WDR36: variants seen among roughly 807,000 people sequenced by gnomAD.
WDR36 encodes the protein WD repeat-containing protein 36.
A neutral mutation model predicts 112.7 loss-of-function variants in WDR36; 63 were observed. That is an observed-to-expected ratio of 0.56 (90% CI 0.46 to 0.69). The LOEUF (loss-of-function observed/expected upper bound fraction) is 0.69. WDR36 is among the 30% of genes least tolerant of loss of function. The pLI is 0.00. For missense variants in WDR36, 1,226 were observed against 1,070.3 expected, an observed-to-expected ratio of 1.15 and a Z score of -2.03; for synonymous variants, 410 against 362.2, an observed-to-expected ratio of 1.13 and a Z score of -1.50.
chr5:111,116,035 C>A (rs1753448024), intron 16 of WDR36, among the ~76,000 whole-genome samples: 2 of 151,904 alleles, frequency 1.3e-5, no homozygotes, highest in Non-Finnish European at 2.9e-5. Context: ...CACCGTCTCC[C>A]AGGTTCAAGC....
chr5:111,124,306 A>G (rs992628392), intron 21 of WDR36, 117 bp downstream of exon 21: 1 of 924,360 alleles, frequency 1.1e-6, no homozygotes. Flanking sequence ...AATCAAAAAG[A>G]TTGAAATTTT....
intron 16 of WDR36, among the ~76,000 whole-genome samples, chr5:111,114,145 TACAGAA>T (rs1375647394): frequency 6.6e-6 from 1 of 152,166 alleles, no homozygotes; most frequent in African/African-American, 2.4e-5. Context: ...AGAGGAGACA[TACAGAA>T]TGTGTCGGCT....
intron 6 of WDR36, 56 bp from the exon 7 acceptor site, chr5:111,103,730 G>C: frequency 6.2e-7 from 1 of 1,600,108 alleles, no homozygotes. Context: ...GTATCATCAG[G>C]ATTATTAAAG....
chr5:111,100,793 A>G, intron 5 of WDR36, 72 bp downstream of exon 5: 1 of 1,464,650 alleles, frequency 6.8e-7, no homozygotes. Flanking sequence ...TGTATACTTA[A>G]GTCTCATTTC....
chr5:111,124,231 T>C, intron 21 of WDR36, 42 bp downstream of exon 21: 1 of 1,471,984 alleles, frequency 6.8e-7, no homozygotes, highest in Non-Finnish European at 9.4e-7. Flanking sequence ...ATATTTAGCT[T>C]ATTTTACTGT....
intron 8 of WDR36, 143 bp downstream of exon 8, chr5:111,104,495 A>C (rs1220019397): frequency 7.2e-7 from 1 of 1,384,248 alleles, no homozygotes; most frequent in Non-Finnish European, 1.0e-6. Context: ...AACAAAAAGC[A>C]CAGCAGGTGA....
intron 19 of WDR36, among the ~76,000 whole-genome samples, chr5:111,121,554 T>A (rs1480401538): frequency 6.6e-6 from 1 of 152,136 alleles, no homozygotes; most frequent in East Asian, 1.9e-4. Flanking sequence ...AAGTTAACCC[T>A]TTATCTCACA....
At chr5:111,110,744 C>T (rs746527102) in intron 13 of WDR36, 44 bp from the exon 14 acceptor site, 6 of 1,585,714 alleles carry the variant, frequency 3.8e-6, no homozygotes, top group South Asian at 3.4e-5. Context: ...GAGAGAAACA[C>T]TGCCAATTCT....
rs778113768 is a variant in WDR36 at position 111,107,377 on chromosome 5, T to C, written c.1264T>C (p.Ser422Pro). ...TTGCTCAACCTGGAATTATCAGAAATCTACAATAGGCGCTTACTTTCTCAA... is the reference window on the plus strand; with the variant it reads ...TTGCTCAACCTGGAATTATCAGAAACCTACAATAGGCGCTTACTTTCTCAA... ...LSCSTWNYQK[S>P]TIGAYFLKPK... Residue 422 changes from serine to proline, a missense_variant, in exon 12 of 23, where the codon TCT becomes CCT. Ser to Pro is a moderately conservative substitution (Grantham distance 74). Coordinates refer to ENST00000513710, the MANE Select transcript of WDR36 (RefSeq NM_139281.3). The C allele has an allele frequency of 6.2e-7, 1 of 1,610,664 alleles. No individual in the cohort carries two copies. The highest frequency in any genetic ancestry group is 8.5e-7 in the Non-Finnish European group (1 of 1,177,780).
At position 111,104,219 on chromosome 5, in the gene WDR36, T is replaced by C. The variant is rs146067768; in HGVS notation, c.773T>C (p.Ile258Thr). 9.3e-6 allele frequency: 15 copies of C among 1,611,652 alleles called. No individual in the cohort carries two copies. In the Admixed American group the frequency reaches 1.8e-4, roughly 20 times the overall value. Residue 258 changes from isoleucine to threonine, a missense_variant, in exon 8 of 23, where the codon ATT becomes ACT. By Grantham distance (89) the Ile-to-Thr change is moderately conservative. Transcript: ENST00000513710. Reference protein sequence around the residue: ...VMAAGSPCGHIGLWDLEDKKL... With the variant: ...VMAAGSPCGHTGLWDLEDKKL... The stretch of plus-strand genomic sequence containing the variant: ...GCAGCTGGAAGCCCATGTGGCCATA[T>C]TGGACTCTGGGATCTAGAAGACAAA...
intron 19 of WDR36, among the ~76,000 whole-genome samples, chr5:111,122,050 A>T (rs1484442165): frequency 6.6e-6 from 1 of 152,230 alleles, no homozygotes; most frequent in Non-Finnish European, 1.5e-5. Flanking sequence ...TTTTCACATT[A>T]CATTTCCTCA....
At chr5:111,104,141 A>G in intron 7 of WDR36, 36 bp from the exon 8 acceptor site, 1 of 1,571,128 alleles carries the variant, frequency 6.4e-7, no homozygotes, top group Non-Finnish European at 8.7e-7. Flanking sequence ...GGGGATCTAG[A>G]AGTATTTTTC....
Position 111,103,841 on chromosome 5 carries a change from A to G in WDR36, c.653A>G (p.His218Arg). 6.2e-7 allele frequency: 1 copy of G among 1,611,488 alleles called. No individual in the cohort carries two copies. The highest frequency in any genetic ancestry group is 8.5e-7 in the Non-Finnish European group (1 of 1,178,304). Residue 218 changes from histidine to arginine, a missense_variant, in exon 7 of 23, where the codon CAC becomes CGC. Coordinates refer to ENST00000513710, the MANE Select transcript of WDR36 (RefSeq NM_139281.3). Reference sequence around the variant, plus strand: ...CTTATGTCAGGTCAAGTTATCATTCACAACATTAAATTTAATGAAACATTA... The same window carrying G: ...CTTATGTCAGGTCAAGTTATCATTCGCAACATTAAATTTAATGAAACATTA... ...IGLMSGQVIIHNIKFNETLMK... is the reference protein window; with the variant it reads ...IGLMSGQVIIRNIKFNETLMK...
chr5:111,117,620 C>A (rs1358867514), intron 16 of WDR36, among the ~76,000 whole-genome samples: 1 of 152,144 alleles, frequency 6.6e-6, no homozygotes, highest in Non-Finnish European at 1.5e-5. Context: ...TCTTACTGGG[C>A]CTCAGTTTTC....
chr5:111,103,821 G>A lies in WDR36; in HGVS notation c.633G>A (p.Met211Ile). 6.2e-7 allele frequency: 1 copy of A among 1,611,276 alleles called. No individual in the cohort carries two copies. The highest frequency in any genetic ancestry group is 8.5e-7 in the Non-Finnish European group (1 of 1,178,174). The change falls in exon 7 of 23, where the codon ATG (methionine) becomes ATA (isoleucine). Residue 211 changes from methionine to isoleucine, a missense_variant. Transcript: ENST00000513710. Reference sequence around the variant, plus strand: ...TGGATGTTGTTGCTATTGGTCTTATGTCAGGTCAAGTTATCATTCACAACA... The same window carrying A: ...TGGATGTTGTTGCTATTGGTCTTATATCAGGTCAAGTTATCATTCACAACA... Reference protein sequence around the residue: ...PAVDVVAIGLMSGQVIIHNIK... With the variant: ...PAVDVVAIGLISGQVIIHNIK...
rs1753269785 is a variant in WDR36 at position 111,108,852 on chromosome 5, C to G, written c.1327-1337C>G. On this transcript the variant is annotated intron_variant, in intron 12 of 22. Transcript: ENST00000513710. ...ATATTCTTATAGCCCATAGGGATCA[C>G]TTATAGAACATTTAGTATGTATGTA... Among the ~76,000 whole-genome samples, 3 of 151,198 alleles carry G rather than the reference C, an allele frequency of 2.0e-5. No individual in the cohort carries two copies. The South Asian group carries it at 6.2e-4, about 31-fold the overall frequency.
At position 111,092,420 on chromosome 5, in the gene WDR36, A is replaced by T. The variant is rs201913253; in HGVS notation, c.-37A>T. The T allele has an allele frequency of 6.2e-7, 1 of 1,614,108 alleles. No individual in the cohort carries two copies. Among genetic ancestry groups the T allele is most frequent in the Admixed American group, 1.7e-5 (1 of 60,000 alleles). On this transcript the variant is annotated 5_prime_UTR_variant, in exon 1 of 23. Coordinates refer to ENST00000513710, the MANE Select transcript of WDR36 (RefSeq NM_139281.3). Reference sequence around the variant, plus strand: ...AGGGACTGGGTACGTGTTTTCCTTCAGGACCAGAGCTGAGAGGAGCTGGGA... The same window carrying T: ...AGGGACTGGGTACGTGTTTTCCTTCTGGACCAGAGCTGAGAGGAGCTGGGA...
intron 16 of WDR36, among the ~76,000 whole-genome samples, chr5:111,118,782 TAGTC>T (rs1055352224): frequency 2.6e-5 from 4 of 152,188 alleles, no homozygotes; most frequent in African/African-American, 4.8e-5. Context: ...CTTCTCCAGT[TAGTC>T]AGTCTAGTTA....
intron 10 of WDR36, 136 bp downstream of exon 10, chr5:111,105,496 G>A: frequency 1.2e-6 from 1 of 810,930 alleles, no homozygotes; most frequent in Non-Finnish European, 2.0e-6. Flanking sequence ...GGAAGAGGTA[G>A]TAAGATTCCT....
Sources: allele counts gnomAD v4.1 joint callset (sites outside exome capture counted in the v4.1 genomes callset), GRCh38; gene constraint gnomAD v4.1.1; transcripts MANE v1.5; gene names NCBI Gene and HGNC (gene_info 2026-07-23, HGNC 2026-07-21).